The following PRTFDC1 variants were observed in gnomAD, a reference collection of about 807,000 sequenced individuals.
PRTFDC1 encodes phosphoribosyl transferase domain containing 1.
PRTFDC1 carries 38 observed loss-of-function variants against 34.6 expected under a neutral mutation model. The ratio of observed to expected loss-of-function variants is 1.10; its 90% CI spans 0.85 to 1.44. The LOEUF is 1.44. Ranked by LOEUF, PRTFDC1 falls within the 40% of genes most tolerant of loss-of-function variation. The probability of loss-of-function intolerance (pLI) is 0.00; values close to 1 mark genes in which losing one functional copy is unlikely to be tolerated. For missense variants in PRTFDC1, 270 were observed against 283.0 expected (o/e 0.95, Z 0.33); for synonymous variants, 93 against 98.1 (o/e 0.95, Z 0.31).
chr10:24,918,985 C>T (rs1848739675), intron 3 of PRTFDC1, among the ~76,000 whole-genome samples: 1 of 152,152 alleles, frequency 6.6e-6, no homozygotes, highest in African/African-American at 2.4e-5. Context: ...CTATCTTAAA[C>T]TGTCTGTGGA....
intron 4 of PRTFDC1, among the ~76,000 whole-genome samples, chr10:24,866,548 TTAA>T (rs1175957564): frequency 6.6e-6 from 1 of 152,054 alleles, no homozygotes; most frequent in East Asian, 1.9e-4. Flanking sequence ...AAATCTTACT[TTAA>T]TAGATACACA....
intron 3 of PRTFDC1, among the ~76,000 whole-genome samples, chr10:24,929,619 A>G (rs908327900): frequency 2.6e-5 from 4 of 152,218 alleles, no homozygotes; most frequent in Non-Finnish European, 5.9e-5. Flanking sequence ...GAGGTTAGCT[A>G]ACCAAATTGG....
intron 7 of PRTFDC1, among the ~76,000 whole-genome samples, chr10:24,852,069 A>C (rs549852892): frequency 1.7e-4 from 26 of 152,256 alleles, no homozygotes; most frequent in Non-Finnish European, 3.4e-4. Context: ...AGAGGATATT[A>C]ATGAGCTCCC....
intron 4 of PRTFDC1, among the ~76,000 whole-genome samples, chr10:24,864,478 C>T (rs1177605967): frequency 1.3e-5 from 2 of 152,126 alleles, no homozygotes; most frequent in Non-Finnish European, 2.9e-5. Flanking sequence ...ACCCACCAGC[C>T]TGATCAGTCA....
chr10:24,938,135 A>G (rs1588623980), intron 2 of PRTFDC1, among the ~76,000 whole-genome samples: 1 of 151,880 alleles, frequency 6.6e-6, no homozygotes, highest in African/African-American at 2.4e-5. Context: ...CTGAGGCAGG[A>G]GAATCCCTTG....
chr10:24,911,298 A>C (rs1259802625), intron 3 of PRTFDC1, among the ~76,000 whole-genome samples: 1 of 152,138 alleles, frequency 6.6e-6, no homozygotes, highest in Admixed American at 6.5e-5. Flanking sequence ...AAAGTTTTTG[A>C]ACTGTTATGA....
Position 24,856,902 on chromosome 10 carries a change from G to A in PRTFDC1, c.506+11C>T. ...AACTAGAAATCACCATGCTATGAAT[G>A]TCCAACTCACCTGGCTACCTTAATC... On this transcript the variant is annotated intron_variant, in intron 6 of 8. Transcript: ENST00000320152. 6.3e-7 allele frequency: 1 copy of A among 1,596,744 alleles called. No individual in the cohort carries two copies. Among genetic ancestry groups the A allele is most frequent in the Non-Finnish European group, 8.6e-7 (1 of 1,164,190 alleles).
chr10:24,899,639 A>G (rs2132551289), intron 3 of PRTFDC1, among the ~76,000 whole-genome samples: 2 of 152,340 alleles, frequency 1.3e-5, no homozygotes, highest in Middle Eastern at 3.4e-3. Context: ...GGACTCTACC[A>G]TGCTATCATC....
intron 3 of PRTFDC1, among the ~76,000 whole-genome samples, chr10:24,896,575 T>C (rs1848368457): frequency 6.6e-6 from 1 of 152,152 alleles, no homozygotes; most frequent in Admixed American, 6.5e-5. Flanking sequence ...AGTCTTTTCT[T>C]AATGGAAAGG....
intron 4 of PRTFDC1, among the ~76,000 whole-genome samples, chr10:24,860,205 C>A (rs530741233): frequency 6.6e-6 from 1 of 152,172 alleles, no homozygotes; most frequent in East Asian, 1.9e-4. Context: ...TTTGGTGAAA[C>A]CCCGTCTCTA....
rs60331186 is a variant in PRTFDC1 at position 24,895,253 on chromosome 10, C to CTTTT, written c.340-23194_340-23191dup. Among the ~76,000 whole-genome samples, 315 of 105,174 alleles carry CTTTT rather than the reference C, an allele frequency of 3.0e-3. 15 individuals are homozygous for CTTTT. The highest frequency in any genetic ancestry group is 0.012 in the African/African-American group (292 of 24,762). The allele number at this position is 105,174 out of a possible 152,430, so 69.0% of individuals were successfully genotyped here. On this transcript the variant is annotated intron_variant, in intron 3 of 8. Transcript: ENST00000320152. ...TCCTTCTTCTGGAAATCTCCACTTT[C>CTTTT]TTTTTTTTTTTTTTTTTGAGATGGA...
intron 3 of PRTFDC1, among the ~76,000 whole-genome samples, chr10:24,918,325 T>TATATCATATC (rs145794012): frequency 8.7e-4 from 133 of 152,070 alleles, no homozygotes; most frequent in African/African-American, 2.1e-3. Flanking sequence ...CACTTTTAAC[T>TATATCATATC]ATATCATATC....
At chr10:24,878,423 C>T (rs1848007135) in intron 3 of PRTFDC1, among the ~76,000 whole-genome samples, 1 of 152,146 alleles carries the variant, frequency 6.6e-6, no homozygotes, top group South Asian at 2.1e-4. Flanking sequence ...AGTGGGTCCT[C>T]CCTGGAGAGG....
intron 4 of PRTFDC1, among the ~76,000 whole-genome samples, chr10:24,866,276 G>A (rs1299102845): frequency 5.3e-5 from 8 of 150,518 alleles, no homozygotes; most frequent in South Asian, 2.1e-4. Context: ...CAGGAGAATC[G>A]CTTGAACGTG....
At position 24,905,949 on chromosome 10, in the gene PRTFDC1, T is replaced by A. The variant is rs145859316; in HGVS notation, c.339+31235A>T. Among the ~76,000 whole-genome samples the A allele has an allele frequency of 4.4e-3, 673 of 152,212 alleles. 6 individuals are homozygous for A. Among genetic ancestry groups the A allele is most frequent in the African/African-American group, 0.015 (612 of 41,534 alleles). On this transcript the variant is annotated intron_variant, in intron 3 of 8. Transcript: ENST00000320152. ...ACCATCCTTCTACTCTCTATCTCCA[T>A]GAGTTCAATTGTTTTAATTTTTAGC...
At chr10:24,897,830 A>T (rs1175456868) in intron 3 of PRTFDC1, among the ~76,000 whole-genome samples, 2 of 152,238 alleles carry the variant, frequency 1.3e-5, no homozygotes, top group African/African-American at 4.8e-5. Context: ...AAATTTGATC[A>T]TAAGGTCTCA....
At chr10:24,933,044 T>G (rs192175422) in intron 3 of PRTFDC1, among the ~76,000 whole-genome samples, 2 of 152,120 alleles carry the variant, frequency 1.3e-5, no homozygotes, top group East Asian at 3.9e-4. Context: ...CCTGGAATAA[T>G]CGAACACTTC....
intron 4 of PRTFDC1, among the ~76,000 whole-genome samples, chr10:24,870,782 A>C (rs1396483398): frequency 1.3e-5 from 2 of 152,110 alleles, no homozygotes; most frequent in African/African-American, 4.8e-5. Flanking sequence ...TCTTCAGAGT[A>C]GAGGGAAGTG....
At chr10:24,863,992 C>T (rs1409942239) in intron 4 of PRTFDC1, among the ~76,000 whole-genome samples, 7 of 133,420 alleles carry the variant, frequency 5.2e-5, no homozygotes, top group Non-Finnish European at 7.7e-5. Flanking sequence ...TGCACACCAG[C>T]GACAGAGCAA....
Sources: allele counts gnomAD v4.1 joint callset (sites outside exome capture counted in the v4.1 genomes callset), GRCh38; gene constraint gnomAD v4.1.1; transcripts MANE v1.5; gene names NCBI Gene and HGNC (gene_info 2026-07-23, HGNC 2026-07-21).